The following STS variants were observed in gnomAD, a reference collection of about 807,000 sequenced individuals.
STS encodes the protein steryl-sulfatase.
Under a neutral mutation model 26.8 loss-of-function variants are expected in STS, and 7 were observed. The observed-to-expected ratio is 0.26, with a 90% CI of 0.15 to 0.49. STS has a LOEUF of 0.49. Among genes scored for constraint, STS ranks in the 20% least tolerant of loss-of-function variants. STS has a pLI of 0.98. For missense variants in STS, 434 were observed against 465.6 expected, an observed-to-expected ratio of 0.93 and a Z score of 0.63; for synonymous variants, 199 against 189.4, an observed-to-expected ratio of 1.05 and a Z score of -0.42.
chrX:7,153,566 G>A (rs1490491135), intron 1 of STS, among the ~76,000 whole-genome samples: 1 of 81,640 alleles, frequency 1.2e-5, no homozygotes, highest in Non-Finnish European at 2.3e-5. Flanking sequence ...CTTCCTTCCT[G>A]TCCTCCTCCG....
At chrX:7,314,030 G>A (rs1355196843) in intron 8 of STS, among the ~76,000 whole-genome samples, 2 of 111,139 alleles carry the variant, frequency 1.8e-5, no homozygotes, top group South Asian at 3.8e-4. Flanking sequence ...AAATACTTAT[G>A]GGGAGCGAAA....
At chrX:7,323,106 T>C (rs1477589332) in intron 8 of STS, among the ~76,000 whole-genome samples, 1 of 111,821 alleles carries the variant, frequency 8.9e-6, no homozygotes, top group Non-Finnish European at 1.9e-5. Flanking sequence ...CGTGGAAACA[T>C]AGTGGGAATA....
chrX:7,296,169 T>A (rs1182816860), intron 7 of STS, among the ~76,000 whole-genome samples: 1 of 111,490 alleles, frequency 9.0e-6, no homozygotes, highest in Non-Finnish European at 1.9e-5. Context: ...GCTGGAGAAG[T>A]TCTGGCTGAT....
chrX:7,253,474 A>G, intron 3 of STS, 138 bp downstream of exon 3: 1 of 842,095 alleles, frequency 1.2e-6, no homozygotes. Context: ...CTTCATGTAG[A>G]TACACTGAGA....
At chrX:7,175,378 T>C (rs753523071) in intron 1 of STS, among the ~76,000 whole-genome samples, 2 of 110,262 alleles carry the variant, frequency 1.8e-5, no homozygotes, top group African/African-American at 3.3e-5. Flanking sequence ...CTTGTAGTTC[T>C]ACTTACTTGG....
At chrX:7,267,232 A>G (rs1410334087) in intron 6 of STS, among the ~76,000 whole-genome samples, 1 of 111,992 alleles carries the variant, frequency 8.9e-6, no homozygotes, top group Non-Finnish European at 1.9e-5. Flanking sequence ...CTTTCTCCAG[A>G]TGGAAGAGTC....
chrX:7,194,093 T>TG (rs1356711568), intron 2 of STS, among the ~76,000 whole-genome samples: 1 of 110,484 alleles, frequency 9.1e-6, no homozygotes, highest in Non-Finnish European at 1.9e-5. Context: ...TTAGTGGAGA[T>TG]GGGGTTTCAC....
At chrX:7,324,725 G>T (rs1336076518) in intron 8 of STS, among the ~76,000 whole-genome samples, 2 of 111,506 alleles carry the variant, frequency 1.8e-5, no homozygotes, top group African/African-American at 3.3e-5. Flanking sequence ...GACTGAACTA[G>T]TGTTTCAGGT....
intron 2 of STS, among the ~76,000 whole-genome samples, chrX:7,240,552 TA>T (rs1555953724): frequency 1.1e-5 from 1 of 91,315 alleles, no homozygotes; most frequent in Non-Finnish European, 2.1e-5. Context: ...TATATATATA[TA>T]AAATGGATCC....
chrX:7,321,895 C>T (rs1402976349), intron 8 of STS, among the ~76,000 whole-genome samples: 4 of 111,866 alleles, frequency 3.6e-5, no homozygotes, highest in African/African-American at 1.3e-4. Flanking sequence ...CGATGGGTCA[C>T]CTGCCCAGCT....
intron 2 of STS, among the ~76,000 whole-genome samples, chrX:7,240,124 G>C (rs1320964024): frequency 9.1e-6 from 1 of 109,442 alleles, no homozygotes; most frequent in African/African-American, 3.3e-5. Context: ...CACCTGCCTT[G>C]ACCTCCCAAA....
intron 7 of STS, among the ~76,000 whole-genome samples, chrX:7,299,032 T>A (rs1453579782): frequency 2.3e-5 from 1 of 44,023 alleles, no homozygotes; most frequent in Non-Finnish European, 4.9e-5. Context: ...ATATATTTTA[T>A]TTATATATTT....
At chrX:7,300,726 T>C (rs1448792640) in intron 7 of STS, among the ~76,000 whole-genome samples, 1 of 111,152 alleles carries the variant, frequency 9.0e-6, no homozygotes, top group Non-Finnish European at 1.9e-5. Flanking sequence ...CTTGTACTAA[T>C]CCCAGCCCAG....
intron 9 of STS, among the ~76,000 whole-genome samples, chrX:7,326,385 G>A (rs182162921): frequency 2.7e-5 from 3 of 111,566 alleles, no homozygotes; most frequent in Non-Finnish European, 5.6e-5. Flanking sequence ...TCGTGCTGAC[G>A]CTCTTCTCGT....
chrX:7,283,031 A>C (rs990547649), intron 7 of STS, among the ~76,000 whole-genome samples: 6 of 112,314 alleles, frequency 5.3e-5, no homozygotes. Flanking sequence ...AGACCCAAAA[A>C]AACAAAAGCC....
At chrX:7,323,347 C>G (rs368779957) in intron 8 of STS, among the ~76,000 whole-genome samples, 2 of 110,381 alleles carry the variant, frequency 1.8e-5, no homozygotes, top group Admixed American at 9.7e-5. Flanking sequence ...AACATAGTAC[C>G]TGATAGTTTT....
At chrX:7,259,246 A>G in intron 5 of STS, 103 bp from the exon 6 acceptor site, 1 of 885,069 alleles carries the variant, frequency 1.1e-6, no homozygotes, top group South Asian at 2.0e-5. Context: ...TAGCTTCATG[A>G]AATAGTCAGA....
At chrX:7,226,178 CTT>C (rs1250394606) in intron 2 of STS, among the ~76,000 whole-genome samples, 1 of 112,171 alleles carries the variant, frequency 8.9e-6, no homozygotes, top group Admixed American at 9.5e-5. Context: ...GAGACAAACA[CTT>C]TTCAGAGTTC....
chrX:7,298,608 A>G lies in STS; in HGVS notation c.944-6438A>G, dbSNP rs1301665735. 5.4e-5 allele frequency among the ~76,000 whole-genome samples: 6 copies of G among 111,250 alleles called. No homozygotes were observed. In the South Asian group the frequency reaches 1.9e-3, roughly 35 times the overall value. On this transcript the variant is annotated intron_variant, in intron 7 of 10. Coordinates refer to ENST00000674429, the MANE Select transcript of STS (RefSeq NM_001320752.2). Reference sequence around the variant, plus strand: ...CAGAATATCTCTGTGCCACTCCACAATGGTTCAGGAGAGCATGAGAATAAC... The same window carrying G: ...CAGAATATCTCTGTGCCACTCCACAGTGGTTCAGGAGAGCATGAGAATAAC...
Sources: gnomAD v4.1 joint callset for allele counts (sites outside exome capture counted in the v4.1 genomes callset) on GRCh38, gnomAD v4.1.1 for gene constraint, MANE v1.5 for transcripts, NCBI Gene and HGNC (gene_info 2026-07-23, HGNC 2026-07-21) for gene names.